Variants in GRAMD1C observed in about 807,000 individuals in gnomAD.
GRAMD1C encodes GRAM domain containing 1C, also known as protein Aster-C.
A neutral mutation model predicts 97.8 loss-of-function variants in GRAMD1C; 89 were observed. That is an observed-to-expected ratio of 0.91 (90% CI 0.77 to 1.09). The LOEUF is 1.09. Ranked by LOEUF, GRAMD1C falls within the 50% of genes least tolerant of loss-of-function variation. GRAMD1C has a pLI of 0.00. For synonymous variants in GRAMD1C, 256 were observed against 267.0 expected (o/e 0.96, Z 0.40); for missense variants, 740 against 766.4 (o/e 0.97, Z 0.41).
At position 113,946,392 on chromosome 3, in the gene GRAMD1C, A is replaced by G. The variant is rs552393021; in HGVS notation, c.*914A>G. 2.6e-5 allele frequency: 4 copies of G among 152,404 alleles called. No individual in the cohort carries two copies. Among genetic ancestry groups the G allele is most frequent in the Non-Finnish European group, 5.9e-5 (4 of 68,044 alleles). 9.4% of individuals were successfully genotyped at this position (152,404 alleles called of 1,614,324 possible). ...GACTTGTTTTGATTGGTAAGTTATA[A>G]GCCAGACATAGATTTTAGCTCTTTA... On this transcript the variant is annotated 3_prime_UTR_variant, in exon 18 of 18. Transcript: ENST00000358160.
intron 5 of GRAMD1C, among the ~76,000 whole-genome samples, chr3:113,876,502 A>G (rs1441513373): frequency 6.6e-6 from 1 of 152,194 alleles, no homozygotes; most frequent in Non-Finnish European, 1.5e-5. Flanking sequence ...TAGGCAGGGT[A>G]ACATTAGCAC....
At chr3:113,945,019 A>T (rs1938000856) in intron 17 of GRAMD1C, among the ~76,000 whole-genome samples, 1 of 152,234 alleles carries the variant, frequency 6.6e-6, no homozygotes, top group Non-Finnish European at 1.5e-5. Flanking sequence ...TAGGTGAAGA[A>T]CATGAGGATG....
At chr3:113,928,007 G>A (rs1284565697) in intron 10 of GRAMD1C, among the ~76,000 whole-genome samples, 1 of 152,160 alleles carries the variant, frequency 6.6e-6, no homozygotes, top group African/African-American at 2.4e-5. Context: ...TGGGGGTAGG[G>A]CCAGGGGAAC....
At chr3:113,871,597 T>C (rs1327096307) in intron 3 of GRAMD1C, among the ~76,000 whole-genome samples, 3 of 151,482 alleles carry the variant, frequency 2.0e-5, no homozygotes, top group Non-Finnish European at 4.4e-5. Flanking sequence ...TACAAAAAAT[T>C]AGCCAGGTGT....
At chr3:113,917,175 GAATTTATCCTA>G (rs1936842729) in intron 10 of GRAMD1C, among the ~76,000 whole-genome samples, 2 of 151,408 alleles carry the variant, frequency 1.3e-5, no homozygotes, top group African/African-American at 4.9e-5. Flanking sequence ...GTTTGAAACT[GAATTTATCCTA>G]AATGTTTTTG....
intron 13 of GRAMD1C, among the ~76,000 whole-genome samples, chr3:113,934,794 A>C: frequency 6.6e-6 from 1 of 152,032 alleles, no homozygotes; most frequent in Admixed American, 6.6e-5. Context: ...CCTAGGCTGG[A>C]GTGCAGTGGT....
intron 2 of GRAMD1C, among the ~76,000 whole-genome samples, chr3:113,857,254 G>C (rs996201736): frequency 6.6e-6 from 1 of 152,150 alleles, no homozygotes; most frequent in Non-Finnish European, 1.5e-5. Context: ...GGTGAGAGTG[G>C]ACATTCTTGC....
intron 17 of GRAMD1C, among the ~76,000 whole-genome samples, chr3:113,940,693 C>T (rs1220545225): frequency 6.6e-6 from 1 of 152,026 alleles, no homozygotes; most frequent in Admixed American, 6.5e-5. Flanking sequence ...GCTCTTTTTA[C>T]AGGAATGGTA....
intron 13 of GRAMD1C, among the ~76,000 whole-genome samples, chr3:113,935,253 G>A (rs1937554745): frequency 6.6e-6 from 1 of 152,090 alleles, no homozygotes; most frequent in Non-Finnish European, 1.5e-5. Flanking sequence ...GCCTCTGTAA[G>A]GAGCCAAGGA....
intron 3 of GRAMD1C, 35 bp from the exon 4 acceptor site, chr3:113,875,449 C>T (rs376115173): frequency 1.0e-4 from 92 of 882,956 alleles, no homozygotes; most frequent in East Asian, 1.4e-4. Flanking sequence ...CTCAGATTTT[C>T]GTGAATAAGC....
chr3:113,933,792 G>T, intron 12 of GRAMD1C, 139 bp downstream of exon 12: 1 of 613,296 alleles, frequency 1.6e-6, no homozygotes, highest in Non-Finnish European at 2.8e-6. Flanking sequence ...GTGAGCAGAG[G>T]AGTGGGGCTT....
chr3:113,947,039 A>G lies in GRAMD1C; in HGVS notation c.*1561A>G, dbSNP rs1165558805. 6.6e-6 allele frequency: 1 copy of G among 152,260 alleles called. No homozygotes were observed. Among genetic ancestry groups the G allele is most frequent in the Non-Finnish European group, 1.5e-5 (1 of 68,038 alleles). The allele number at this position is 152,260 out of a possible 1,614,324, so 9.4% of individuals were successfully genotyped here. Reference sequence around the variant, plus strand: ...GATGTTTATTTAAACGTTGTATTTTATAACATACTTCAAGGAAGAGTATCG... The same window carrying G: ...GATGTTTATTTAAACGTTGTATTTTGTAACATACTTCAAGGAAGAGTATCG... On this transcript the variant is annotated 3_prime_UTR_variant, in exon 18 of 18. Coordinates refer to ENST00000358160, the MANE Select transcript of GRAMD1C (RefSeq NM_017577.5).
intron 9 of GRAMD1C, among the ~76,000 whole-genome samples, chr3:113,911,758 T>C (rs940673649): frequency 1.3e-5 from 2 of 150,552 alleles, no homozygotes; most frequent in Non-Finnish European, 1.5e-5. Context: ...GACAGAGTCT[T>C]GCTCTGTCCC....
intron 2 of GRAMD1C, among the ~76,000 whole-genome samples, chr3:113,867,910 C>G (rs1934647502): frequency 6.6e-6 from 1 of 152,150 alleles, no homozygotes; most frequent in Non-Finnish European, 1.5e-5. Flanking sequence ...ATACTCCCAT[C>G]ACATGTATTT....
intron 17 of GRAMD1C, among the ~76,000 whole-genome samples, chr3:113,942,033 A>C (rs1577231584): frequency 2.1e-5 from 3 of 145,696 alleles, no homozygotes; most frequent in African/African-American, 5.2e-5. Context: ...CTCCCACCTC[A>C]CCCTCCCGTA....
At chr3:113,834,261 C>A (rs1709602103), upstream of GRAMD1C, among the ~76,000 whole-genome samples, 1 of 152,166 alleles carries the variant, frequency 6.6e-6, no homozygotes, top group Admixed American at 6.6e-5. Flanking sequence ...CTCACTGCAA[C>A]TTCCGCCTCC....
chr3:113,856,921 C>T (rs766626608), intron 2 of GRAMD1C, among the ~76,000 whole-genome samples: 55 of 151,526 alleles, frequency 3.6e-4, no homozygotes, highest in Non-Finnish European at 6.5e-4. Context: ...CTCACTGCAA[C>T]CTCCATCTCC....
chr3:113,871,904 G>GC (rs2107375233), intron 3 of GRAMD1C, among the ~76,000 whole-genome samples: 1 of 152,228 alleles, frequency 6.6e-6, no homozygotes, highest in Admixed American at 6.5e-5. Flanking sequence ...TCATGCCAGT[G>GC]CACTCCAGCC....
chr3:113,943,558 G>A (rs543568876), intron 17 of GRAMD1C, among the ~76,000 whole-genome samples: 14 of 152,150 alleles, frequency 9.2e-5, no homozygotes, highest in Admixed American at 2.0e-4. Flanking sequence ...AATACAATAC[G>A]TGGTCTTTTG....
Sources: gnomAD v4.1 joint callset for allele counts (sites outside exome capture counted in the v4.1 genomes callset) on GRCh38, gnomAD v4.1.1 for gene constraint, MANE v1.5 for transcripts, NCBI Gene and HGNC (gene_info 2026-07-23, HGNC 2026-07-21) for gene names.